The following TNIP3 variants were observed in gnomAD, a reference collection of about 807,000 sequenced individuals.
TNIP3 encodes TNFAIP3-interacting protein 3.
TNIP3 carries 34 observed loss-of-function variants against 54.1 expected under a neutral mutation model. That is an observed-to-expected ratio of 0.63 (90% CI 0.48 to 0.84). The LOEUF is 0.84. TNIP3 is among the 40% of genes least tolerant of loss of function. The probability of loss-of-function intolerance (pLI) is 0.00; values close to 1 mark genes in which losing one functional copy is unlikely to be tolerated. For missense variants in TNIP3, 366 were observed against 387.6 expected (o/e 0.94, Z 0.47); for synonymous variants, 134 against 136.8 (o/e 0.98, Z 0.14).
chr4:121,141,646 T>C (rs1223888730), intron 9 of TNIP3, among the ~76,000 whole-genome samples, 170 bp downstream of exon 9: 1 of 152,176 alleles, frequency 6.6e-6, no homozygotes, highest in Non-Finnish European at 1.5e-5. Flanking sequence ...GGATTCAGTG[T>C]CCCAAAGATA....
chr4:121,212,943 C>T (rs1223614287), intron 2 of TNIP3, among the ~76,000 whole-genome samples: 1 of 152,114 alleles, frequency 6.6e-6, no homozygotes, highest in Non-Finnish European at 1.5e-5. Flanking sequence ...CTGCCTGTCA[C>T]TCCATAAACA....
chr4:121,156,206 A>G (rs1057399876), intron 4 of TNIP3, among the ~76,000 whole-genome samples: 5 of 152,218 alleles, frequency 3.3e-5, no homozygotes, highest in Non-Finnish European at 5.9e-5. Context: ...AGATTTGTAC[A>G]TGTTTTAAAA....
At chr4:121,177,394 T>C (rs1724423571) in intron 3 of TNIP3, among the ~76,000 whole-genome samples, 1 of 152,228 alleles carries the variant, frequency 6.6e-6, no homozygotes, top group East Asian at 1.9e-4. Context: ...GAGTTCCTCA[T>C]GTTCATCAAT....
chr4:121,182,731 G>C (rs1253464074), exon 3 of TNIP3: 1 of 1,534,126 alleles, frequency 6.5e-7, no homozygotes. Flanking sequence ...GAACCGTTTT[G>C]GATGAGGAGA....
intron 5 of TNIP3, among the ~76,000 whole-genome samples, chr4:121,150,764 G>T (rs1319219048): frequency 1.3e-5 from 2 of 152,046 alleles, no homozygotes; most frequent in African/African-American, 4.8e-5. Flanking sequence ...AAGAGAGAGG[G>T]ACATCCACAG....
intron 1 of TNIP3, among the ~76,000 whole-genome samples, chr4:121,225,293 A>G (rs907684581): frequency 6.6e-6 from 1 of 152,218 alleles, no homozygotes; most frequent in Non-Finnish European, 1.5e-5. Flanking sequence ...GTGCTTTGCA[A>G]CCGCTAGAAT....
chr4:121,220,269 C>A (rs1726974430), upstream of TNIP3, among the ~76,000 whole-genome samples: 1 of 152,098 alleles, frequency 6.6e-6, no homozygotes, highest in Admixed American at 6.5e-5. Context: ...TACATTAATA[C>A]CATATTAATT....
At chr4:121,209,393 AG>A (rs1187606788) in intron 2 of TNIP3, among the ~76,000 whole-genome samples, 1 of 152,336 alleles carries the variant, frequency 6.6e-6, no homozygotes, top group East Asian at 1.9e-4. Context: ...TGTGGGACTG[AG>A]GCCTTAACAT....
chr4:121,139,838 G>A (rs939708106), intron 9 of TNIP3, among the ~76,000 whole-genome samples: 3 of 152,306 alleles, frequency 2.0e-5, no homozygotes, highest in East Asian at 1.9e-4. Flanking sequence ...GATAAGTGAC[G>A]TGAGCCTCAG....
rs545530879 is a variant in TNIP3, at chr4:121,153,895, C to T, written c.492+656G>A. On this transcript the variant is annotated intron_variant, in intron 5 of 10. Coordinates refer to ENST00000057513, the MANE Select transcript of TNIP3 (RefSeq NM_024873.6). ...CCATGTGCTAGCGCATTCCTATGTT[C>T]CACATATGGGTTGGCTCTTGGAAAA... Among the ~76,000 whole-genome samples, 6 of 152,194 alleles carry T rather than the reference C, an allele frequency of 3.9e-5. No individual in the cohort carries two copies. The South Asian group carries it at 1.0e-3, about 26-fold the overall frequency.
intron 9 of TNIP3, 100 bp downstream of exon 9, chr4:121,141,716 C>T: frequency 1.3e-6 from 1 of 749,896 alleles, no homozygotes; most frequent in Non-Finnish European, 1.9e-6. Flanking sequence ...AAAACAGAGG[C>T]TCTTGCTGTA....
intron 3 of TNIP3, among the ~76,000 whole-genome samples, chr4:121,170,872 G>A (rs1731028074): frequency 6.6e-6 from 1 of 152,044 alleles, no homozygotes; most frequent in Non-Finnish European, 1.5e-5. Flanking sequence ...CTGGAGTGCA[G>A]TAGCATGATC....
At chr4:121,142,082 G>A (rs557545059) in intron 8 of TNIP3, among the ~76,000 whole-genome samples, 168 bp from the exon 9 acceptor site, 12 of 152,202 alleles carry the variant, frequency 7.9e-5, no homozygotes, top group African/African-American at 2.2e-4. Flanking sequence ...CAATACAAAC[G>A]AGGCTCACAG....
intron 3 of TNIP3, among the ~76,000 whole-genome samples, chr4:121,172,463 C>CTA (rs560899332): frequency 1.3e-4 from 20 of 152,300 alleles, no homozygotes; most frequent in Middle Eastern, 3.4e-3. Flanking sequence ...AAGAGATAGA[C>CTA]TACATCAGTG....
chr4:121,193,443 G>C (rs1248500771), intron 2 of TNIP3, among the ~76,000 whole-genome samples: 1 of 152,076 alleles, frequency 6.6e-6, no homozygotes, highest in Non-Finnish European at 1.5e-5. Flanking sequence ...CTATACTGAT[G>C]CAAATGTTAA....
chr4:121,213,392 A>G lies in TNIP3; in HGVS notation c.68+3023T>C, dbSNP rs150105485. ...ATAGTCATTTTTCTTGCATGGTTAT[A>G]ATTATAATTTTCTGAATGCATAATC... On this transcript the variant is annotated intron_variant, in intron 2 of 12. Coordinates refer to the TNIP3 transcript ENST00000507879. Among the ~76,000 whole-genome samples the G allele has an allele frequency of 1.0e-3, 157 of 152,256 alleles. 1 individual carries two copies. Among genetic ancestry groups the G allele is most frequent in the East Asian group, 5.8e-3 (30 of 5,178 alleles).
At chr4:121,214,321 C>A (rs72685958) in intron 2 of TNIP3, among the ~76,000 whole-genome samples, 1 of 152,298 alleles carries the variant, frequency 6.6e-6, no homozygotes, top group South Asian at 2.1e-4. Context: ...ATTAAAGAAC[C>A]TAACCCTATC....
intron 2 of TNIP3, among the ~76,000 whole-genome samples, chr4:121,204,831 A>C (rs1726094778): frequency 6.6e-6 from 1 of 152,226 alleles, no homozygotes; most frequent in Non-Finnish European, 1.5e-5. Flanking sequence ...AGCTATGTGT[A>C]AGAATTCTTA....
upstream of TNIP3, among the ~76,000 whole-genome samples, chr4:121,164,901 C>G (rs1254038236): frequency 6.6e-6 from 1 of 151,948 alleles, no homozygotes; most frequent in Non-Finnish European, 1.5e-5. Context: ...CATGGAGAAT[C>G]ATTTTCACTT....
Sources: gnomAD v4.1 joint callset for allele counts (sites outside exome capture counted in the v4.1 genomes callset) on GRCh38, gnomAD v4.1.1 for gene constraint, MANE v1.5 for transcripts, NCBI Gene and HGNC (gene_info 2026-07-23, HGNC 2026-07-21) for gene names.